SNRNP35: variants seen among roughly 807,000 people sequenced by gnomAD.
The protein encoded by SNRNP35 is small nuclear ribonucleoprotein U11/U12 subunit 35, also known as U11/U12 small nuclear ribonucleoprotein 35 kDa protein.
SNRNP35 carries 16 observed loss-of-function variants against 24.3 expected under a neutral mutation model. The ratio of observed to expected loss-of-function variants is 0.66; its 90% CI spans 0.45 to 1.00. The LOEUF is 1.00. Among genes scored for constraint, SNRNP35 ranks in the 50% least tolerant of loss-of-function variants. SNRNP35 has a pLI of 0.00. For missense variants in SNRNP35, 292 were observed against 327.2 expected (o/e 0.89, Z 0.83); for synonymous variants, 106 against 124.8 (o/e 0.85, Z 1.00).
intron 1 of SNRNP35, among the ~76,000 whole-genome samples, chr12:123,463,970 AT>A (rs1022019265): frequency 1.2e-4 from 11 of 90,972 alleles, no homozygotes; most frequent in Middle Eastern, 0.012. Flanking sequence ...TTTTGCTCTT[AT>A]TGCTCAGGCT....
In SNRNP35 at chr12:123,466,415, C is replaced by A. The variant is rs1341681398; in HGVS notation, c.*134C>A. On this transcript the variant is annotated 3_prime_UTR_variant, in exon 2 of 2. Coordinates refer to ENST00000526639, the MANE Select transcript of SNRNP35 (RefSeq NM_022717.4). ...ATGGGGTTTGGAATAGTTTTCTTTC[C>A]AATCTGGAACTTCGGTTCAAGCTGA... The A allele has an allele frequency of 1.1e-6, 1 of 915,830 alleles. No homozygotes were observed. Among genetic ancestry groups the A allele is most frequent in the African/African-American group, 1.7e-5 (1 of 59,928 alleles). The allele number at this position is 915,830 out of a possible 1,614,324, so 56.7% of individuals were successfully genotyped here. A position where few individuals can be genotyped will look rare whatever the true frequency, so the allele number is the denominator to read the frequency against.
chr12:123,463,636 GTGATC>G (rs996239102), intron 1 of SNRNP35, among the ~76,000 whole-genome samples: 7 of 152,076 alleles, frequency 4.6e-5, no homozygotes, highest in African/African-American at 1.7e-4. Context: ...TCCTGACCTC[GTGATC>G]TGCCCACCTT....
chr12:123,458,719 C>G (rs1880426771), intron 1 of SNRNP35, among the ~76,000 whole-genome samples: 1 of 151,388 alleles, frequency 6.6e-6, no homozygotes, highest in South Asian at 2.1e-4. Context: ...CCTCAGCTTC[C>G]CGAGTAGCTG....
rs898721922 is a variant in SNRNP35 at position 123,472,779 on chromosome 12, A to C, written n.1786A>C. The C allele has an allele frequency of 1.1e-5, 15 of 1,319,498 alleles. No homozygotes were observed. In the African/African-American group the frequency reaches 1.9e-4, roughly 17 times the overall value. 81.7% of individuals were successfully genotyped at this position (1,319,498 alleles called of 1,614,324 possible). On this transcript the variant is annotated non_coding_transcript_exon_variant, in exon 2 of 2. Coordinates refer to the SNRNP35 transcript ENST00000527158. The stretch of plus-strand genomic sequence containing the variant: ...CGGAGACATATAGCAGCAAACTTAG[A>C]AGGGAGCAAATCAATTCAAGGTGTG...
intron 1 of SNRNP35, chr12:123,459,979 A>T: frequency 2.1e-6 from 2 of 956,008 alleles, no homozygotes; most frequent in Non-Finnish European, 3.3e-6. Flanking sequence ...CTCCATTTTA[A>T]TTTGAAGAAG....
Position 123,465,772 on chromosome 12 carries a change from C to T in SNRNP35, c.232C>T (p.Arg78Trp), listed in dbSNP as rs367904004. ...KEVFSRYGDI[R>W]RLRLVRDLVT... is the part of the protein sequence containing the mutation. Reference sequence around the variant, plus strand: ...AGTCTTTTCCCGCTATGGTGACATCCGGCGGCTTCGGCTGGTCAGGGACTT... The same window carrying T: ...AGTCTTTTCCCGCTATGGTGACATCTGGCGGCTTCGGCTGGTCAGGGACTT... Residue 78 changes from arginine (R) to tryptophan (W), a missense_variant, in exon 2 of 2, where the codon CGG becomes TGG. Arg to Trp is a moderately radical substitution (Grantham distance 101, BLOSUM62 -3). Coordinates refer to ENST00000526639, the MANE Select transcript of SNRNP35 (RefSeq NM_022717.4). This position sits in a 1 kb window ranked among gnomAD's most constrained non-coding sequence, Gnocchi z 4.2. 12 of 1,613,958 alleles carry T rather than the reference C, an allele frequency of 7.4e-6. No homozygotes were observed. The highest frequency in any genetic ancestry group is 4.0e-5 in the African/African-American group (3 of 74,898).
intron 1 of SNRNP35, among the ~76,000 whole-genome samples, chr12:123,462,679 T>G (rs1039171672): frequency 1.3e-5 from 2 of 151,894 alleles, no homozygotes; most frequent in African/African-American, 4.8e-5. Context: ...TTAGTAGATA[T>G]GGGGTTTCAC....
chr12:123,465,418 C>A lies in SNRNP35; in HGVS notation c.-3-120C>A. 1 of 1,252,456 alleles carries A rather than the reference C, an allele frequency of 8.0e-7. No homozygotes were observed. The allele number at this position is 1,252,456 out of a possible 1,614,324, so 77.6% of individuals were successfully genotyped here. A position where few individuals can be genotyped will look rare whatever the true frequency, so the allele number is the denominator to read the frequency against. Reference sequence around the variant, plus strand: ...AGGACTTAGCCTCTGTGGGTGTTCCCTTCCTTTCCTGTTTTTAAGAAGAGG... The same window carrying A: ...AGGACTTAGCCTCTGTGGGTGTTCCATTCCTTTCCTGTTTTTAAGAAGAGG... On this transcript the variant is annotated intron_variant, in intron 1 of 1. Coordinates refer to ENST00000526639, the MANE Select transcript of SNRNP35 (RefSeq NM_022717.4). The surrounding 1 kb of genome is among the most constrained non-coding windows in gnomAD (Gnocchi z 4.2).
rs1218639742 is a variant in SNRNP35, at chr12:123,466,203, C to T, written c.663C>T (p.Pro221=). 3 of 1,582,614 alleles carry T rather than the reference C, an allele frequency of 1.9e-6. No individual in the cohort carries two copies. The highest frequency in any genetic ancestry group is 2.7e-5 in the African/African-American group (2 of 73,146). The change falls in exon 2 of 2, where the codon CCC becomes CCT. Residue 221 remains proline, a synonymous_variant. Coordinates refer to ENST00000526639, the MANE Select transcript of SNRNP35 (RefSeq NM_022717.4). The part of the protein sequence containing the change: ...WQEREPTRVW[P]DNDWERERDF... Reference sequence around the variant, plus strand: ...AAAGAGAGCCGACCAGGGTGTGGCCCGACAATGACTGGGAGAGAGAGAGGG... The same window carrying T: ...AAAGAGAGCCGACCAGGGTGTGGCCTGACAATGACTGGGAGAGAGAGAGGG...
intron 1 of SNRNP35, among the ~76,000 whole-genome samples, chr12:123,461,399 TACAGGCATGAGCC>T (rs1880623416): frequency 6.6e-6 from 1 of 151,836 alleles, no homozygotes; most frequent in South Asian, 2.1e-4. Context: ...GTGCTGGGAT[TACAGGCATGAGCC>T]ACCGCGCCCG....
chr12:123,466,357 A>C lies in SNRNP35; in HGVS notation c.*76A>C, dbSNP rs1880986235. On this transcript the variant is annotated 3_prime_UTR_variant, in exon 2 of 2. Coordinates refer to ENST00000526639, the MANE Select transcript of SNRNP35 (RefSeq NM_022717.4). ...GGGGATTGTCTTTCAACGCAGCGTG[A>C]GTCTAATGGTTGAATAAAACTTACT... is the stretch of plus-strand genomic sequence containing the variant. 7.1e-7 allele frequency: 1 copy of C among 1,399,436 alleles called. No individual in the cohort carries two copies. Among genetic ancestry groups the C allele is most frequent in the African/African-American group, 1.4e-5 (1 of 69,720 alleles). The allele number at this position is 1,399,436 out of a possible 1,614,324, so 86.7% of individuals were successfully genotyped here.
downstream of SNRNP35, among the ~76,000 whole-genome samples, chr12:123,469,241 G>A (rs1881084801): frequency 6.6e-6 from 1 of 151,324 alleles, no homozygotes; most frequent in African/African-American, 2.4e-5. Flanking sequence ...TGCAAACTCT[G>A]CCTCCCGGGT....
In SNRNP35 at chr12:123,458,301, G is replaced by T. The variant is rs1257612691; in HGVS notation, c.-4+85G>T. 4.4e-6 allele frequency: 4 copies of T among 900,356 alleles called. No individual in the cohort carries two copies. The African/African-American group carries it at 5.4e-5, about 12-fold the overall frequency. 55.8% of individuals were successfully genotyped at this position (900,356 alleles called of 1,614,324 possible). On this transcript the variant is annotated intron_variant, in intron 1 of 1. Transcript: ENST00000526639. ...CGGCCCAGACGCTGTGCCCGCGCTT[G>T]TGTGGGGCGCCATGTTGAAACCTGG...
chr12:123,463,635 C>T (rs1490843557), intron 1 of SNRNP35, among the ~76,000 whole-genome samples: 11 of 151,016 alleles, frequency 7.3e-5, no homozygotes, highest in East Asian at 1.9e-4. Flanking sequence ...CTCCTGACCT[C>T]GTGATCTGCC....
At chr12:123,469,018 G>A (rs888197800), downstream of SNRNP35, among the ~76,000 whole-genome samples, 1 of 152,142 alleles carries the variant, frequency 6.6e-6, no homozygotes, top group Admixed American at 6.6e-5. Context: ...ATTGTAGGAT[G>A]TTCATTAGCA....
downstream of SNRNP35, among the ~76,000 whole-genome samples, chr12:123,468,784 A>G (rs1169410364): frequency 3.3e-5 from 5 of 152,338 alleles, no homozygotes; most frequent in Middle Eastern, 6.8e-3. Flanking sequence ...AAGAAAAACA[A>G]TGGTACAGCC....
At chr12:123,469,161 C>CT (rs1284132271), downstream of SNRNP35, among the ~76,000 whole-genome samples, 167 of 146,078 alleles carry the variant, frequency 1.1e-3, no homozygotes, top group Middle Eastern at 3.5e-3. Flanking sequence ...ACTGTCTTTT[C>CT]TTTTTTTTTT....
chr12:123,459,736 C>G, intron 1 of SNRNP35: 1 of 973,850 alleles, frequency 1.0e-6, no homozygotes, highest in South Asian at 1.6e-5. Context: ...TGCAGTGAGC[C>G]GAGATTGGCC....
chr12:123,463,496 A>G (rs1593513447), intron 1 of SNRNP35, among the ~76,000 whole-genome samples: 3 of 142,158 alleles, frequency 2.1e-5, no homozygotes, highest in Admixed American at 7.2e-5. Flanking sequence ...TCCTGCCTCA[A>G]CCTCCCGAGT....
Sources: allele counts gnomAD v4.1 joint callset (sites outside exome capture counted in the v4.1 genomes callset), GRCh38; gene constraint gnomAD v4.1.1; non-coding constraint Gnocchi (gnomAD v3.1); transcripts MANE v1.5; gene names NCBI Gene and HGNC (gene_info 2026-07-23, HGNC 2026-07-21).